CACNA1E: variants seen among roughly 807,000 people sequenced by gnomAD.
The protein encoded by CACNA1E is voltage-dependent R-type calcium channel subunit alpha-1E.
A neutral mutation model predicts 259.2 loss-of-function variants in CACNA1E; 40 were observed. That is an observed-to-expected ratio of 0.15 (90% CI 0.12 to 0.20). The LOEUF (loss-of-function observed/expected upper bound fraction) is 0.20, where lower values mean the gene tolerates loss of function less well. CACNA1E is among the 10% of genes least tolerant of loss of function. CACNA1E has a pLI of 1.00. For missense variants in CACNA1E, 1,874 were observed against 3,040.1 expected (o/e 0.62, Z 9.02); for synonymous variants, 1,104 against 1,138.5 (o/e 0.97, Z 0.61).
At position 181,551,902 on chromosome 1, in the gene CACNA1E, T is replaced by C. The variant is rs1648208126; in HGVS notation, c.513-25864T>C. 3.9e-5 allele frequency among the ~76,000 whole-genome samples: 6 copies of C among 152,050 alleles called. No individual in the cohort carries two copies. The South Asian group carries it at 1.2e-3, about 32-fold the overall frequency. ...CATCTTTCCTTCCCCCCTCCTTTCC[T>C]TGCATCCTTTCATTTTTTTGGCAAA... is the stretch of plus-strand genomic sequence containing the variant. On this transcript the variant is annotated intron_variant, in intron 3 of 47. Transcript: ENST00000367573.
intron 27 of CACNA1E, among the ~76,000 whole-genome samples, chr1:181,753,174 C>G (rs1657751981): frequency 1.3e-5 from 2 of 152,224 alleles, no homozygotes; most frequent in Non-Finnish European, 1.5e-5. Context: ...TCCCAGCAAG[C>G]AGACTCAATT....
Position 181,798,687 on chromosome 1 carries a change from C to A in CACNA1E, c.6795C>A (p.Thr2265=). The A allele has an allele frequency of 6.2e-7, 1 of 1,609,374 alleles. No homozygotes were observed. ...CTACTAGCCTGGGCCGTTCCAACAC[C>A]ATCGGCTCAGCCCCACCCCTGCGGC... The part of the protein sequence containing the change: ...AVATSLGRSN[T]IGSAPPLRHS... Residue 2265 remains threonine (T), a synonymous_variant, in exon 48 of 48, where the codon ACC becomes ACA. Transcript: ENST00000367573. This position sits in a 1 kb window ranked among gnomAD's most constrained non-coding sequence, Gnocchi z 4.2.
chr1:181,759,656 T>C (rs1306338808), intron 32 of CACNA1E, among the ~76,000 whole-genome samples: 2 of 152,342 alleles, frequency 1.3e-5, no homozygotes, highest in East Asian at 1.9e-4. Flanking sequence ...ACCTGCTTCA[T>C]TGTGTGCAGC....
chr1:181,745,027 A>T (rs1656926842), intron 25 of CACNA1E, among the ~76,000 whole-genome samples: 1 of 152,172 alleles, frequency 6.6e-6, no homozygotes, highest in Non-Finnish European at 1.5e-5. Context: ...GACACTAAGG[A>T]TGATCAATGC....
At chr1:181,585,432 G>A (rs560885851) in intron 6 of CACNA1E, among the ~76,000 whole-genome samples, 1 of 152,284 alleles carries the variant, frequency 6.6e-6, no homozygotes, top group African/African-American at 2.4e-5. Flanking sequence ...GCCAAATACT[G>A]TTCTAGATGT....
At chr1:181,498,069 C>T (rs80046889) in intron 1 of CACNA1E, among the ~76,000 whole-genome samples, 20,693 of 152,222 alleles carry the variant, frequency 0.14, 1,528 homozygotes, top group Non-Finnish European at 0.17. Context: ...CATGGAAAGT[C>T]CATTTTCTTT....
intron 6 of CACNA1E, among the ~76,000 whole-genome samples, chr1:181,633,270 T>C (rs1168974726): frequency 2.0e-5 from 3 of 152,038 alleles, no homozygotes; most frequent in African/African-American, 7.2e-5. Context: ...GAGTATAATA[T>C]CATGGTATCC....
At chr1:181,320,455 G>A (rs1442383331) in intron 1 of CACNA1E, among the ~76,000 whole-genome samples, 3 of 152,104 alleles carry the variant, frequency 2.0e-5, no homozygotes, top group African/African-American at 4.8e-5. Flanking sequence ...TTGATTGATT[G>A]CTTATTGCTA....
intron 1 of CACNA1E, among the ~76,000 whole-genome samples, chr1:181,363,285 C>A (rs556006341): frequency 6.6e-6 from 1 of 152,158 alleles, no homozygotes; most frequent in Non-Finnish European, 1.5e-5. Flanking sequence ...CTTGTGAATA[C>A]CTGCCAAAAT....
At chr1:181,414,019 G>A (rs1658078640) in intron 2 of CACNA1E, among the ~76,000 whole-genome samples, 1 of 152,126 alleles carries the variant, frequency 6.6e-6, no homozygotes, top group Non-Finnish European at 1.5e-5. Flanking sequence ...TTACATTTTG[G>A]GCACATCTCC....
At chr1:181,554,596 G>C (rs1648530234) in intron 3 of CACNA1E, among the ~76,000 whole-genome samples, 1 of 152,184 alleles carries the variant, frequency 6.6e-6, no homozygotes, top group African/African-American at 2.4e-5. Context: ...TGATACTAAT[G>C]GTCCTCACAT....
intron 38 of CACNA1E, among the ~76,000 whole-genome samples, chr1:181,781,169 C>G (rs536123028): frequency 3.3e-5 from 5 of 152,210 alleles, no homozygotes; most frequent in Non-Finnish European, 5.9e-5. Context: ...CTGTGTGGGG[C>G]GTGATATAAA....
chr1:181,578,608 A>T (rs1440583589), intron 4 of CACNA1E, among the ~76,000 whole-genome samples: 1 of 152,224 alleles, frequency 6.6e-6, no homozygotes, highest in Non-Finnish European at 1.5e-5. Context: ...TTATTTAGCC[A>T]TTTTTATGTT....
At chr1:181,334,352 G>T (rs970081046) in intron 1 of CACNA1E, among the ~76,000 whole-genome samples, 40 of 152,202 alleles carry the variant, frequency 2.6e-4, no homozygotes, top group Non-Finnish European at 5.0e-4. Flanking sequence ...CCAAGGTCCA[G>T]ATTTAAAATA....
intron 7 of CACNA1E, among the ~76,000 whole-genome samples, chr1:181,682,435 A>G (rs1333136184): frequency 6.6e-6 from 1 of 152,184 alleles, no homozygotes; most frequent in Non-Finnish European, 1.5e-5. Context: ...ATTCCCGCCA[A>G]GCTGGTTGCT....
In CACNA1E at chr1:181,796,757, T is replaced by C. The variant is rs1242666082; in HGVS notation, c.6298T>C (p.Cys2100Arg). 6.2e-7 allele frequency: 1 copy of C among 1,613,338 alleles called. No individual in the cohort carries two copies. Residue 2100 changes from cysteine (C) to arginine (R), a missense_variant, in exon 47 of 48, where the codon TGC becomes CGC. By Grantham distance (180) the Cys-to-Arg change is radical. This residue lies in a region of CACNA1E where 542 missense variants were observed against 587.2 expected (regional missense o/e 0.92). Transcript: ENST00000367573. ...KHLLSPDVSR[C>R]NSEERGTQAD... is the part of the protein sequence containing the mutation. ...TCTTCTCTCTCCTGATGTCTCCCGC[T>C]GCAATTCAGAAGAGCGAGGGACCCA...
At chr1:181,616,499 G>C (rs937274030) in intron 6 of CACNA1E, among the ~76,000 whole-genome samples, 1 of 152,116 alleles carries the variant, frequency 6.6e-6, no homozygotes, top group Non-Finnish European at 1.5e-5. Context: ...TGGATCATGA[G>C]GTCGAGATTG....
chr1:181,600,875 G>A (rs527521995), intron 6 of CACNA1E, among the ~76,000 whole-genome samples: 1 of 152,234 alleles, frequency 6.6e-6, no homozygotes, highest in South Asian at 2.1e-4. Context: ...ATGGACTGAT[G>A]TCCCTTAGTC....
At chr1:181,674,542 G>C (rs191139704) in intron 7 of CACNA1E, among the ~76,000 whole-genome samples, 1 of 152,006 alleles carries the variant, frequency 6.6e-6, no homozygotes, top group Non-Finnish European at 1.5e-5. Flanking sequence ...GGGTCATTCT[G>C]TCTTAGAGCC....
Sources: gnomAD v4.1 joint callset for allele counts (sites outside exome capture counted in the v4.1 genomes callset) on GRCh38, gnomAD v4.1.1 for gene constraint, gnomAD v4.1.1 regional missense constraint, Gnocchi (gnomAD v3.1) non-coding constraint, MANE v1.5 for transcripts, NCBI Gene and HGNC (gene_info 2026-07-23, HGNC 2026-07-21) for gene names.